BICD1: variants seen among roughly 807,000 people sequenced by gnomAD.
BICD1 encodes the protein protein bicaudal D homolog 1.
Under a neutral mutation model 92.5 loss-of-function variants are expected in BICD1, and 35 were observed. That is an observed-to-expected ratio of 0.38 (90% confidence interval 0.29 to 0.50). The LOEUF is 0.50. Among genes scored for constraint, BICD1 ranks in the 20% least tolerant of loss-of-function variants. BICD1 has a pLI of 0.93. For synonymous variants in BICD1, 429 were observed against 465.1 expected (o/e 0.92, Z 1.00); for missense variants, 950 against 1,189.8 (o/e 0.80, Z 2.97).
chr12:32,331,752 C>A (rs1937882323), intron 5 of BICD1, among the ~76,000 whole-genome samples: 1 of 152,118 alleles, frequency 6.6e-6, no homozygotes. Flanking sequence ...TAAGGATGCT[C>A]AACCTGTACC....
At chr12:32,307,858 C>T (rs528617609) in intron 4 of BICD1, among the ~76,000 whole-genome samples, 60 of 152,100 alleles carry the variant, frequency 3.9e-4, no homozygotes, top group Non-Finnish European at 6.0e-4. Flanking sequence ...GATTGAATAC[C>T]ATTAAATAGA....
intron 2 of BICD1, among the ~76,000 whole-genome samples, chr12:32,252,183 A>ATATATTTATTATAAATAT (rs1946582243): frequency 2.1e-5 from 1 of 48,634 alleles, no homozygotes; most frequent in African/African-American, 1.0e-4. Flanking sequence ...ATATTATATA[A>ATATATTTATTATAAATAT]TATATACTAT....
At chr12:32,370,762 C>G (rs1263497124) in intron 9 of BICD1, among the ~76,000 whole-genome samples, 1 of 152,232 alleles carries the variant, frequency 6.6e-6, no homozygotes, top group Non-Finnish European at 1.5e-5. Context: ...CTTGGAGTGT[C>G]TGCTCAGTAT....
rs115565920 is a variant in BICD1 at position 32,186,229 on chromosome 12, A to G, written c.214-30018A>G. ...GTTTATTTAATGATGCACATTTACT[A>G]GAGTGGTGTACATTCAATAGTGAGG... On this transcript the variant is annotated intron_variant, in intron 1 of 9. Transcript: ENST00000652176. Among the ~76,000 whole-genome samples, 657 of 152,340 alleles carry G rather than the reference A, an allele frequency of 4.3e-3. 3 individuals carry two copies. The highest frequency in any genetic ancestry group is 0.015 in the African/African-American group (626 of 41,574).
At chr12:32,110,254 A>C (rs1941637002) in intron 1 of BICD1, among the ~76,000 whole-genome samples, 1 of 152,226 alleles carries the variant, frequency 6.6e-6, no homozygotes, top group African/African-American at 2.4e-5. Flanking sequence ...AAAGATGTGC[A>C]AAATCAAGAA....
chr12:32,338,015 A>C, intron 7 of BICD1, 199 bp downstream of exon 7: 1 of 566,530 alleles, frequency 1.8e-6, no homozygotes, highest in South Asian at 2.4e-5. Flanking sequence ...GTCCTTTCTA[A>C]CCCCCTGCCC....
chr12:32,185,687 C>T (rs1944407571), intron 1 of BICD1, among the ~76,000 whole-genome samples: 1 of 152,184 alleles, frequency 6.6e-6, no homozygotes, highest in African/African-American at 2.4e-5. Context: ...ATCAGACAGC[C>T]ACTCCTGGCA....
At chr12:32,119,222 A>G (rs1781785710) in intron 1 of BICD1, among the ~76,000 whole-genome samples, 2 of 152,250 alleles carry the variant, frequency 1.3e-5, no homozygotes, top group African/African-American at 4.8e-5. Context: ...TATTTGAAAT[A>G]TGACCATTCT....
At chr12:32,211,583 T>C (rs1411162941) in intron 1 of BICD1, among the ~76,000 whole-genome samples, 1 of 152,094 alleles carries the variant, frequency 6.6e-6, no homozygotes, top group Non-Finnish European at 1.5e-5. Flanking sequence ...GCCTGTGTGC[T>C]GCGAAAAATA....
chr12:32,183,382 A>G (rs1447761551), intron 1 of BICD1, among the ~76,000 whole-genome samples: 1 of 150,490 alleles, frequency 6.6e-6, no homozygotes, highest in East Asian at 2.0e-4. Flanking sequence ...CTCCTGCCTC[A>G]GCCTCCCTAG....
intron 4 of BICD1, among the ~76,000 whole-genome samples, chr12:32,306,446 G>A (rs886383929): frequency 4.5e-4 from 68 of 151,758 alleles, no homozygotes; most frequent in East Asian, 1.2e-3. Flanking sequence ...GGGTTTCACC[G>A]TATTAGCCAG....
chr12:32,364,558 AT>A (rs886511332), intron 8 of BICD1, among the ~76,000 whole-genome samples: 4 of 152,144 alleles, frequency 2.6e-5, no homozygotes, highest in African/African-American at 7.2e-5. Flanking sequence ...TTTTAGTTTA[AT>A]TTTTTAAGTC....
intron 2 of BICD1, among the ~76,000 whole-genome samples, chr12:32,232,833 T>C (rs1424438916): frequency 6.6e-6 from 1 of 152,174 alleles, no homozygotes; most frequent in African/African-American, 2.4e-5. Flanking sequence ...CAGCACCATT[T>C]ATTAAATAGG....
intron 2 of BICD1, among the ~76,000 whole-genome samples, chr12:32,269,510 C>A (rs1057432145): frequency 1.3e-5 from 2 of 152,078 alleles, no homozygotes; most frequent in East Asian, 1.9e-4. Context: ...TAACAACTTG[C>A]AAATTTGCTT....
At chr12:32,216,206 C>T (rs755782156) in intron 1 of BICD1, 41 bp from the exon 2 acceptor site, 1 of 1,581,110 alleles carries the variant, frequency 6.3e-7, no homozygotes, top group South Asian at 1.1e-5. Flanking sequence ...GGTTATGATG[C>T]ATTTCATTGT....
chr12:32,174,951 C>T (rs1944050173), intron 1 of BICD1, among the ~76,000 whole-genome samples: 1 of 152,070 alleles, frequency 6.6e-6, no homozygotes, highest in Non-Finnish European at 1.5e-5. Flanking sequence ...TTGTCTTTTT[C>T]ATGTAGGATC....
chr12:32,309,448 T>C (rs1948319115), intron 4 of BICD1, among the ~76,000 whole-genome samples: 1 of 152,152 alleles, frequency 6.6e-6, no homozygotes, highest in South Asian at 2.1e-4. Context: ...ATATCTCCAC[T>C]GGGATCAGAT....
chr12:32,286,083 TAATTAGC>T (rs1462195395), intron 2 of BICD1, among the ~76,000 whole-genome samples: 1 of 152,234 alleles, frequency 6.6e-6, no homozygotes, highest in Non-Finnish European at 1.5e-5. Context: ...TCCTTGTCCT[TAATTAGC>T]ATCAGGAGTT....
intron 8 of BICD1, among the ~76,000 whole-genome samples, chr12:32,357,647 G>A (rs1254586526): frequency 1.3e-5 from 2 of 152,096 alleles, no homozygotes; most frequent in East Asian, 1.9e-4. Context: ...CAAGGTGTCC[G>A]CAGGTCTGTT....
Sources: gnomAD v4.1 joint callset for allele counts (sites outside exome capture counted in the v4.1 genomes callset) on GRCh38, gnomAD v4.1.1 for gene constraint, MANE v1.5 for transcripts, NCBI Gene and HGNC (gene_info 2026-07-23, HGNC 2026-07-21) for gene names.